CACNB2: variants seen among roughly 807,000 people sequenced by gnomAD.
CACNB2 encodes calcium voltage-gated channel auxiliary subunit beta 2, also known as voltage-dependent L-type calcium channel subunit beta-2.
Under a neutral mutation model 73.3 loss-of-function variants are expected in CACNB2, and 42 were observed. The observed-to-expected ratio is 0.57, with a 90% CI of 0.45 to 0.74. CACNB2 has a LOEUF of 0.74. Among genes scored for constraint, CACNB2 ranks in the 30% least tolerant of loss-of-function variants. The pLI, the probability that CACNB2 is intolerant of heterozygous loss-of-function variation, is 0.00. For synonymous variants in CACNB2, 348 were observed against 310.3 expected (o/e 1.12, Z -1.28); for missense variants, 940 against 853.0 (o/e 1.10, Z -1.27).
At chr10:18,282,824 G>C (rs2038611803) in intron 2 of CACNB2, among the ~76,000 whole-genome samples, 1 of 152,096 alleles carries the variant, frequency 6.6e-6, no homozygotes. Flanking sequence ...GTTGACAAAT[G>C]GGATCTAATT....
At chr10:18,203,030 C>A (rs2034950036) in intron 2 of CACNB2, among the ~76,000 whole-genome samples, 1 of 152,194 alleles carries the variant, frequency 6.6e-6, no homozygotes, top group African/African-American at 2.4e-5. Flanking sequence ...CTTTAAGATT[C>A]TGTCACTCAC....
intron 2 of CACNB2, among the ~76,000 whole-genome samples, chr10:18,272,453 T>C (rs1210820015): frequency 6.6e-6 from 1 of 152,148 alleles, no homozygotes; most frequent in African/African-American, 2.4e-5. Flanking sequence ...ATACTAGAAA[T>C]CACCTCTTTC....
rs1470164878 is a variant in CACNB2 at position 18,494,368 on chromosome 10, G to T, written c.334-3987G>T. 4.6e-5 allele frequency among the ~76,000 whole-genome samples: 7 copies of T among 152,198 alleles called. No homozygotes were observed. In the East Asian group the frequency reaches 9.7e-4, roughly 21 times the overall value. Reference sequence around the variant, plus strand: ...ATCTGGGCTGGGTGCGGTGGCTCACGCCTGTAATCCCAGCACTTTGGGAGG... The same window carrying T: ...ATCTGGGCTGGGTGCGGTGGCTCACTCCTGTAATCCCAGCACTTTGGGAGG... On this transcript the variant is annotated intron_variant, in intron 3 of 13. Transcript: ENST00000324631.
At chr10:18,296,455 G>C (rs780514434) in intron 2 of CACNB2, among the ~76,000 whole-genome samples, 3 of 152,052 alleles carry the variant, frequency 2.0e-5, no homozygotes, top group Non-Finnish European at 2.9e-5. Flanking sequence ...CGTTGAGAGA[G>C]TATTTTCTTC....
intron 2 of CACNB2, among the ~76,000 whole-genome samples, chr10:18,272,415 G>A (rs927898840): frequency 3.3e-5 from 5 of 152,160 alleles, no homozygotes; most frequent in African/African-American, 1.2e-4. Flanking sequence ...AAACTTCAGA[G>A]AGGGTGGATA....
At chr10:18,193,848 C>G (rs2034510941) in intron 2 of CACNB2, among the ~76,000 whole-genome samples, 1 of 152,190 alleles carries the variant, frequency 6.6e-6, no homozygotes, top group African/African-American at 2.4e-5. Context: ...GTCACTCAAA[C>G]ACATGAAGCT....
chr10:18,208,958 G>A (rs1362523810), intron 2 of CACNB2, among the ~76,000 whole-genome samples: 2 of 152,154 alleles, frequency 1.3e-5, no homozygotes, highest in Non-Finnish European at 2.9e-5. Context: ...ATCATCGTTG[G>A]CATTTGATGA....
chr10:18,293,644 T>C (rs2131787660), intron 2 of CACNB2, among the ~76,000 whole-genome samples: 1 of 152,354 alleles, frequency 6.6e-6, no homozygotes, highest in East Asian at 1.9e-4. Flanking sequence ...GAGCACTTAT[T>C]TCAAGAGAGT....
At chr10:18,506,150 A>G (rs2050478401) in intron 5 of CACNB2, among the ~76,000 whole-genome samples, 1 of 152,202 alleles carries the variant, frequency 6.6e-6, no homozygotes, top group Non-Finnish European at 1.5e-5. Flanking sequence ...AGGGTCTCTA[A>G]AATAAAAAGC....
At chr10:18,248,110 AG>A (rs1001612685) in intron 2 of CACNB2, among the ~76,000 whole-genome samples, 58 of 152,358 alleles carry the variant, frequency 3.8e-4, no homozygotes, top group African/African-American at 1.4e-3. Flanking sequence ...TTCAGACCAC[AG>A]TACCTACCAA....
At chr10:18,161,452 C>T (rs2032451427) in intron 2 of CACNB2, among the ~76,000 whole-genome samples, 1 of 152,102 alleles carries the variant, frequency 6.6e-6, no homozygotes. Flanking sequence ...ACACTATGAC[C>T]CTACCAGCTT....
chr10:18,176,391 G>C (rs150410270), intron 2 of CACNB2, among the ~76,000 whole-genome samples: 2 of 152,214 alleles, frequency 1.3e-5, no homozygotes, highest in Non-Finnish European at 2.9e-5. Context: ...TTTAAATAGG[G>C]AAATAGAGAA....
intron 2 of CACNB2, among the ~76,000 whole-genome samples, chr10:18,283,804 A>C (rs1034360048): frequency 3.9e-5 from 6 of 152,262 alleles, no homozygotes; most frequent in African/African-American, 1.4e-4. Context: ...TGTACCCTAG[A>C]ACTTAAAGTA....
chr10:18,176,263 C>T (rs1490488297), intron 2 of CACNB2, among the ~76,000 whole-genome samples: 1 of 152,094 alleles, frequency 6.6e-6, no homozygotes, highest in African/African-American at 2.4e-5. Flanking sequence ...ATAGAAGACA[C>T]TGATGATGGT....
chr10:18,361,397 G>C (rs993417354), intron 2 of CACNB2, among the ~76,000 whole-genome samples: 1 of 151,198 alleles, frequency 6.6e-6, no homozygotes, highest in Non-Finnish European at 1.5e-5. Flanking sequence ...AACTTGGGAG[G>C]CTGAGGCTGG....
intron 2 of CACNB2, chr10:18,400,618 C>A: frequency 9.5e-7 from 1 of 1,049,286 alleles, no homozygotes; most frequent in Non-Finnish European, 1.1e-6. Context: ...TTGCAAATGT[C>A]ACTGCATACG....
At chr10:18,499,911 G>C (rs1393908415) in intron 4 of CACNB2, among the ~76,000 whole-genome samples, 1 of 151,982 alleles carries the variant, frequency 6.6e-6, no homozygotes, top group Non-Finnish European at 1.5e-5. Context: ...TTCAAGACAG[G>C]AGTGAGCCAG....
intron 2 of CACNB2, among the ~76,000 whole-genome samples, chr10:18,296,013 T>C (rs977856690): frequency 1.3e-5 from 2 of 148,744 alleles, no homozygotes; most frequent in Non-Finnish European, 3.0e-5. Context: ...TTTTTTTTTT[T>C]TTTTTTTTTT....
At chr10:18,159,401 G>C (rs1383381045) in intron 2 of CACNB2, among the ~76,000 whole-genome samples, 1 of 152,118 alleles carries the variant, frequency 6.6e-6, no homozygotes, top group African/African-American at 2.4e-5. Context: ...TTGTTCTTTG[G>C]GGTTAACGGG....
Sources: allele counts gnomAD v4.1 joint callset (sites outside exome capture counted in the v4.1 genomes callset), GRCh38; gene constraint gnomAD v4.1.1; transcripts MANE v1.5; gene names NCBI Gene and HGNC (gene_info 2026-07-23, HGNC 2026-07-21).